Variants in TRAK2 observed in about 807,000 individuals in gnomAD.
TRAK2 encodes the protein trafficking kinesin-binding protein 2.
TRAK2 carries 81 observed loss-of-function variants against 104.6 expected under a neutral mutation model. That is an observed-to-expected ratio of 0.77 (90% CI 0.65 to 0.93). The LOEUF (loss-of-function observed/expected upper bound fraction) is 0.93, where lower values mean the gene tolerates loss of function less well. Among genes scored for constraint, TRAK2 ranks in the 40% least tolerant of loss-of-function variants. The pLI, the probability that TRAK2 is intolerant of heterozygous loss-of-function variation, is 0.00. For missense variants in TRAK2, 1,002 were observed against 1,089.0 expected, an observed-to-expected ratio of 0.92 and a Z score of 1.12; for synonymous variants, 406 against 394.4, an observed-to-expected ratio of 1.03 and a Z score of -0.35.
chr2:201,436,953 A>T (rs944846888), intron 1 of TRAK2, among the ~76,000 whole-genome samples: 8 of 152,178 alleles, frequency 5.3e-5, no homozygotes, highest in Non-Finnish European at 7.4e-5. Flanking sequence ...TCTGCATATT[A>T]AAGACATACC....
At chr2:201,422,304 C>G (rs1951748630) in intron 1 of TRAK2, among the ~76,000 whole-genome samples, 1 of 152,036 alleles carries the variant, frequency 6.6e-6, no homozygotes, top group Admixed American at 6.5e-5. Flanking sequence ...GGTTTAATAA[C>G]AGTGGAACAT....
chr2:201,405,806 A>G (rs1951588552), intron 3 of TRAK2, among the ~76,000 whole-genome samples: 1 of 152,150 alleles, frequency 6.6e-6, no homozygotes, highest in Admixed American at 6.5e-5. Context: ...AACATGGTGA[A>G]ACCCCGTCTC....
At position 201,378,371 on chromosome 2, in the gene TRAK2, G is replaced by A. The variant is rs1951307596; in HGVS notation, c.*2172C>T. Reference sequence around the variant, plus strand: ...GATCTAGTTCAATTTATAGCTTTAAGTAATACACATAAATCGGACAATTTA... The same window carrying A: ...GATCTAGTTCAATTTATAGCTTTAAATAATACACATAAATCGGACAATTTA... On this transcript the variant is annotated 3_prime_UTR_variant, in exon 16 of 16. Transcript: ENST00000332624. The A allele has an allele frequency of 6.6e-6, 1 of 152,124 alleles. No homozygotes were observed. The highest frequency in any genetic ancestry group is 1.5e-5 in the Non-Finnish European group (1 of 68,028). The allele number at this position is 152,124 out of a possible 1,614,324, so 9.4% of individuals were successfully genotyped here. A position where few individuals can be genotyped will look rare whatever the true frequency, so the allele number is the denominator to read the frequency against.
chr2:201,411,493 G>A, intron 2 of TRAK2: 1 of 744,690 alleles, frequency 1.3e-6, no homozygotes. Context: ...TGCATTATAT[G>A]AAGTTGCTCC....
intron 3 of TRAK2, among the ~76,000 whole-genome samples, chr2:201,401,613 A>G (rs1951551478): frequency 6.6e-6 from 1 of 152,130 alleles, no homozygotes; most frequent in Non-Finnish European, 1.5e-5. Flanking sequence ...TGGTTCTGTT[A>G]TGAACCATAA....
Position 201,399,051 on chromosome 2 carries a change from C to T in TRAK2, c.480+326G>A, listed in dbSNP as rs113096983. 2.7e-3 allele frequency among the ~76,000 whole-genome samples: 402 copies of T among 150,590 alleles called. 3 individuals carry two copies. The highest frequency in any genetic ancestry group is 8.9e-3 in the African/African-American group (367 of 41,246). The stretch of plus-strand genomic sequence containing the variant: ...ATAAAGATACCCACATATTTGGGTA[C>T]CTATTTTTTAAAAATAAATTTCAGA... On this transcript the variant is annotated intron_variant, in intron 5 of 15. Coordinates refer to ENST00000332624, the MANE Select transcript of TRAK2 (RefSeq NM_015049.3).
chr2:201,423,223 G>A (rs879577640), intron 1 of TRAK2, among the ~76,000 whole-genome samples: 4 of 152,106 alleles, frequency 2.6e-5, no homozygotes, highest in Non-Finnish European at 5.9e-5. Flanking sequence ...ACAGGCATGA[G>A]CCACTGCACC....
chr2:201,395,215 G>T, intron 8 of TRAK2, 99 bp downstream of exon 8: 1 of 1,032,502 alleles, frequency 9.7e-7, no homozygotes, highest in Non-Finnish European at 1.4e-6. Context: ...AAAGGGCAGG[G>T]ACAATGTTTA....
intron 1 of TRAK2, among the ~76,000 whole-genome samples, chr2:201,450,393 G>C (rs1281091977): frequency 1.3e-5 from 2 of 151,602 alleles, no homozygotes; most frequent in African/African-American, 4.9e-5. Flanking sequence ...CCAGCCTGGC[G>C]ACAGAGCGAG....
intron 4 of TRAK2, 67 bp from the exon 5 acceptor site, chr2:201,399,560 T>C (rs1311415118): frequency 8.0e-7 from 1 of 1,253,366 alleles, no homozygotes; most frequent in Non-Finnish European, 1.2e-6. Flanking sequence ...TCAGAAATTT[T>C]GTGGTCAGTT....
intron 4 of TRAK2, among the ~76,000 whole-genome samples, chr2:201,400,748 A>ATT (rs945617497): frequency 1.3e-5 from 2 of 150,438 alleles, no homozygotes; most frequent in Middle Eastern, 3.4e-3. Context: ...TTTTAAAATG[A>ATT]TTTTTTTTTT....
intron 3 of TRAK2, among the ~76,000 whole-genome samples, chr2:201,404,834 T>C (rs1020636335): frequency 1.3e-5 from 2 of 152,160 alleles, no homozygotes; most frequent in Admixed American, 6.5e-5. Flanking sequence ...AAAGCTACAA[T>C]AGCTCCTGAC....
At chr2:201,418,305 T>C (rs894175572) in intron 2 of TRAK2, among the ~76,000 whole-genome samples, 6 of 152,132 alleles carry the variant, frequency 3.9e-5, no homozygotes, top group Non-Finnish European at 8.8e-5. Context: ...TCAGCTTCCC[T>C]AGTAGCTGGG....
In TRAK2 at chr2:201,395,787, T is replaced by G. The variant is rs76311976; in HGVS notation, c.770-343A>C. ...GAAAGAAGGCTGAAAGGAGGGCAAG[T>G]GCAAAGAGATAATCTCATTCATTTC... On this transcript the variant is annotated intron_variant, in intron 7 of 15. Transcript: ENST00000332624. Among the ~76,000 whole-genome samples the G allele has an allele frequency of 2.6e-5, 4 of 152,192 alleles. No individual in the cohort carries two copies. In the South Asian group the frequency reaches 8.3e-4, roughly 31 times the overall value.
rs763482150 is a variant in TRAK2 at position 201,420,476 on chromosome 2, G to A, written c.32C>T (p.Ser11Leu). ...CATGAGGTTTTCTTCACCTGTTGGT[G>A]ATGTAAAAATTGCATTCTGGGATTG... MSQSQNAIFTSPTGEENLMNS... is the reference protein window; with the variant it reads MSQSQNAIFTLPTGEENLMNS... Residue 11 changes from serine (S) to leucine (L), a missense_variant, in exon 2 of 16, where the codon TCA becomes TTA. By Grantham distance (145) the Ser-to-Leu change is moderately radical. Coordinates refer to ENST00000332624, the MANE Select transcript of TRAK2 (RefSeq NM_015049.3). The A allele has an allele frequency of 1.9e-6, 3 of 1,614,096 alleles. No individual in the cohort carries two copies. Among genetic ancestry groups the A allele is most frequent in the Non-Finnish European group, 1.7e-6 (2 of 1,179,978 alleles).
chr2:201,394,763 C>G (rs747109441), intron 9 of TRAK2, 35 bp downstream of exon 9: 1 of 1,536,344 alleles, frequency 6.5e-7, no homozygotes, highest in Non-Finnish European at 9.0e-7. Flanking sequence ...TCACTCTTTC[C>G]CCTCCTGAAT....
intron 1 of TRAK2, among the ~76,000 whole-genome samples, chr2:201,428,243 C>T (rs1459704681): frequency 1.3e-5 from 2 of 152,162 alleles, no homozygotes; most frequent in Non-Finnish European, 2.9e-5. Flanking sequence ...AGTCCTTGCC[C>T]ATGCCTATGT....
chr2:201,384,016 T>C, intron 15 of TRAK2, 95 bp downstream of exon 15: 1 of 785,964 alleles, frequency 1.3e-6, no homozygotes, highest in Non-Finnish European at 2.1e-6. Context: ...TTAATTAACA[T>C]TCTGGAAATT....
intron 3 of TRAK2, among the ~76,000 whole-genome samples, chr2:201,401,893 A>G (rs893042843): frequency 3.9e-5 from 6 of 152,100 alleles, no homozygotes; most frequent in Middle Eastern, 3.2e-3. Flanking sequence ...GACTTTGAAC[A>G]TGATACGTTA....
Sources: allele counts gnomAD v4.1 joint callset (sites outside exome capture counted in the v4.1 genomes callset), GRCh38; gene constraint gnomAD v4.1.1; transcripts MANE v1.5; gene names NCBI Gene and HGNC (gene_info 2026-07-23, HGNC 2026-07-21).